OC90: variants seen among roughly 807,000 people sequenced by gnomAD.
The protein encoded by OC90 is otoconin 90, also known as otoconin-90.
In OC90, 46 loss-of-function variants were observed where a neutral mutation model predicts 47.3. The ratio of observed to expected loss-of-function variants is 0.97; its 90% confidence interval spans 0.77 to 1.24. The LOEUF is 1.24. Ranked by LOEUF, OC90 falls within the 50% of genes most tolerant of loss-of-function variation. OC90 has a pLI of 0.00. For missense variants in OC90, 688 were observed against 583.9 expected, an observed-to-expected ratio of 1.18 and a Z score of -1.84; for synonymous variants, 271 against 219.5, an observed-to-expected ratio of 1.23 and a Z score of -2.07.
chr8:132,031,849 A>G, intron 12 of OC90, 32 bp downstream of exon 12: 1 of 1,593,564 alleles, frequency 6.3e-7, no homozygotes, highest in Non-Finnish European at 8.6e-7. Context: ...CAGCACTACT[A>G]CACCAGAGCT....
intron 3 of OC90, 93 bp from the exon 4 acceptor site, chr8:132,044,582 T>G (rs939453068): frequency 1.4e-6 from 1 of 722,526 alleles, no homozygotes; most frequent in Non-Finnish European, 2.4e-6. Flanking sequence ...ATAAAACCTT[T>G]CTTCATTCTC....
chr8:132,031,452 G>A (rs1822873081), intron 12 of OC90, among the ~76,000 whole-genome samples: 2 of 152,192 alleles, frequency 1.3e-5, no homozygotes. Flanking sequence ...TACTTAAAAG[G>A]CTAATTTTAA....
In OC90 at chr8:132,045,850, T is replaced by C. The variant is rs1823124616; in HGVS notation, c.80A>G (p.Gln27Arg). Residue 27 changes from glutamine to arginine, a missense_variant, in exon 3 of 14, where the codon CAG (glutamine) becomes CGG (arginine). By Grantham distance (43) the Gln-to-Arg change is conservative. Transcript: ENST00000254627. Reference sequence around the variant, plus strand: ...GTTTGGGAGTCCTGGAGGCAGCTCCTGTGGAAGATGTGGAGTGTCCAGAGG... The same window carrying C: ...GTTTGGGAGTCCTGGAGGCAGCTCCCGTGGAAGATGTGGAGTGTCCAGAGG... Reference protein sequence around the residue: ...GHPLDTPHLPQELPPGLPNNI... With the variant: ...GHPLDTPHLPRELPPGLPNNI... 2.6e-6 allele frequency: 4 copies of C among 1,546,442 alleles called. No individual in the cohort carries two copies. The highest frequency in any genetic ancestry group is 2.4e-5 in the South Asian group (2 of 83,982).
intron 2 of OC90, among the ~76,000 whole-genome samples, chr8:132,052,171 G>A (rs1273335936): frequency 2.6e-5 from 4 of 152,176 alleles, no homozygotes; most frequent in Non-Finnish European, 5.9e-5. Flanking sequence ...CCCATGAACA[G>A]GGAATTCCCT....
At chr8:132,040,090 G>T (rs1039577563) in intron 6 of OC90, among the ~76,000 whole-genome samples, 5 of 152,200 alleles carry the variant, frequency 3.3e-5, no homozygotes, top group African/African-American at 7.2e-5. Context: ...GTGGATGAAT[G>T]AATCATGTTT....
intron 2 of OC90, chr8:132,049,985 A>G (rs563194602): frequency 9.3e-5 from 37 of 398,170 alleles, no homozygotes; most frequent in South Asian, 6.7e-4. Context: ...AAATTCACAT[A>G]AAATATGACT....
At position 132,039,016 on chromosome 8, in the gene OC90, A is replaced by G; in HGVS notation, c.565T>C (p.Phe189Leu). 1.9e-6 allele frequency: 3 copies of G among 1,613,986 alleles called. No homozygotes were observed. The highest frequency in any genetic ancestry group is 2.5e-6 in the Non-Finnish European group (3 of 1,179,888). ...NSSLNLLDTS[F>L]CLAQTPETTI... ...CTACCTGGAGTCTGAGCCAGGCAGA[A>G]GGAGGTGTCCAGAAGGTTCAGGGAA... Residue 189 changes from phenylalanine (F) to leucine (L), a missense_variant, in exon 7 of 14, where the codon TTC (phenylalanine) becomes CTC (leucine). Physicochemically the swap from Phe to Leu is conservative, Grantham distance 22. Transcript: ENST00000254627.
In OC90 at chr8:132,054,364, T is replaced by G. The variant is rs138783077; in HGVS notation, c.46+617A>C. On this transcript the variant is annotated intron_variant, in intron 2 of 13. Coordinates refer to ENST00000254627, the MANE Select transcript of OC90 (RefSeq NM_001080399.3). ...GGTCTCTACCTTTCACAGTTGCCAC[T>G]CCATGTTTTTCCTCACAGGTGTTTC... is the stretch of plus-strand genomic sequence containing the variant. Among the ~76,000 whole-genome samples, 672 of 152,302 alleles carry G rather than the reference T, an allele frequency of 4.4e-3. 2 individuals carry two copies. Among genetic ancestry groups the G allele is most frequent in the Non-Finnish European group, 6.4e-3 (438 of 68,022 alleles).
chr8:132,043,061 A>G (rs1438726254), intron 4 of OC90, among the ~76,000 whole-genome samples: 3 of 152,220 alleles, frequency 2.0e-5, no homozygotes, highest in African/African-American at 7.2e-5. Flanking sequence ...TGGTACAAAT[A>G]TCTTTATTAT....
chr8:132,037,069 T>G (rs1246616758), intron 9 of OC90, among the ~76,000 whole-genome samples: 1 of 152,234 alleles, frequency 6.6e-6, no homozygotes, highest in Non-Finnish European at 1.5e-5. Context: ...AAATAAAGTT[T>G]TATTGGAACA....
chr8:132,044,886 T>G (rs1823110179), intron 3 of OC90, among the ~76,000 whole-genome samples: 1 of 152,200 alleles, frequency 6.6e-6, no homozygotes, highest in Non-Finnish European at 1.5e-5. Context: ...TACTGATTCC[T>G]ATGGAGAATG....
chr8:132,055,349 T>C (rs16904582), intron 1 of OC90, among the ~76,000 whole-genome samples: 10,475 of 152,230 alleles, frequency 0.069, 1,080 homozygotes, highest in African/African-American at 0.22. Context: ...TACTGATTGA[T>C]TCCATGGTCA....
At chr8:132,036,860 A>G (rs1822972720) in intron 9 of OC90, among the ~76,000 whole-genome samples, 3 of 152,226 alleles carry the variant, frequency 2.0e-5, no homozygotes, top group Admixed American at 2.0e-4. Context: ...TAGATTATGT[A>G]TTTTAAGCAA....
At chr8:132,044,185 C>T (rs1266690624) in intron 4 of OC90, among the ~76,000 whole-genome samples, 1 of 152,162 alleles carries the variant, frequency 6.6e-6, no homozygotes, top group Non-Finnish European at 1.5e-5. Flanking sequence ...GGATACCATT[C>T]CCTTCCTGGA....
chr8:132,049,967 C>T (rs533533780), intron 2 of OC90: 15 of 428,818 alleles, frequency 3.5e-5, no homozygotes, highest in African/African-American at 6.0e-5. Flanking sequence ...CTCACCTCTA[C>T]GTGATTCAAA....
In OC90 at chr8:132,041,241, G is replaced by A. The variant is rs569379822; in HGVS notation, c.345-85C>T. 1,659 of 851,602 alleles carry A rather than the reference G, an allele frequency of 1.9e-3. 5 individuals are homozygous for A. Among genetic ancestry groups the A allele is most frequent in the Non-Finnish European group, 2.6e-3 (1,323 of 502,340 alleles). The allele number at this position is 851,602 out of a possible 1,614,324, so 52.8% of individuals were successfully genotyped here. On this transcript the variant is annotated intron_variant, in intron 5 of 13. Transcript: ENST00000254627. Reference sequence around the variant, plus strand: ...CAGCTCATGATCTTTCTGTGTCTCTGGATGGATCCTGGCAGTGGTCTATTT... The same window carrying A: ...CAGCTCATGATCTTTCTGTGTCTCTAGATGGATCCTGGCAGTGGTCTATTT...
chr8:132,052,302 G>A (rs11785677), intron 2 of OC90, among the ~76,000 whole-genome samples: 45,024 of 152,128 alleles, frequency 0.3, 7,071 homozygotes, highest in Non-Finnish European at 0.34. Flanking sequence ...TCATGTACTT[G>A]CTCTGGCACA....
chr8:132,024,310 G>T lies in OC90; in HGVS notation c.*171C>A, dbSNP rs1563725991. The T allele has an allele frequency of 1.8e-6, 1 of 550,378 alleles. No individual in the cohort carries two copies. Among genetic ancestry groups the T allele is most frequent in the Non-Finnish European group, 3.2e-6 (1 of 315,862 alleles). The allele number at this position is 550,378 out of a possible 1,614,324, so 34.1% of individuals were successfully genotyped here. A position where few individuals can be genotyped will look rare whatever the true frequency, so the allele number is the denominator to read the frequency against. On this transcript the variant is annotated 3_prime_UTR_variant, in exon 14 of 14. Coordinates refer to ENST00000254627, the MANE Select transcript of OC90 (RefSeq NM_001080399.3). ...CTCCAAGTGTACATTGGCTTGTGAGGTGACCACAGCTGATGAGGCATGGGC... is the reference window on the plus strand; with the variant it reads ...CTCCAAGTGTACATTGGCTTGTGAGTTGACCACAGCTGATGAGGCATGGGC...
intron 13 of OC90, among the ~76,000 whole-genome samples, chr8:132,028,612 AAGGAGGAAGG>A (rs879572224): frequency 0.33 from 35,274 of 106,068 alleles, 5,856 homozygotes; most frequent in South Asian, 0.41. Context: ...GGAAGGAGGG[AAGGAGGAAGG>A]AAGGAAGGAA....
Sources: allele counts gnomAD v4.1 joint callset (sites outside exome capture counted in the v4.1 genomes callset), GRCh38; gene constraint gnomAD v4.1.1; transcripts MANE v1.5; gene names NCBI Gene and HGNC (gene_info 2026-07-23, HGNC 2026-07-21).